ARHGEF3: variants seen among roughly 807,000 people sequenced by gnomAD.
ARHGEF3 encodes the protein Rho guanine nucleotide exchange factor 3.
A neutral mutation model predicts 63.2 loss-of-function variants in ARHGEF3; 28 were observed. That is an observed-to-expected ratio of 0.44 (90% CI 0.33 to 0.61). The LOEUF is 0.61. Ranked by LOEUF, ARHGEF3 falls within the 20% of genes least tolerant of loss-of-function variation. ARHGEF3 has a pLI of 0.03. For missense variants in ARHGEF3, 533 were observed against 659.3 expected, an observed-to-expected ratio of 0.81 and a Z score of 2.10; for synonymous variants, 266 against 254.2, an observed-to-expected ratio of 1.05 and a Z score of -0.44.
chr3:56,871,157 AT>A (rs1281802107), intron 4 of ARHGEF3, among the ~76,000 whole-genome samples: 1 of 152,192 alleles, frequency 6.6e-6, no homozygotes, highest in Non-Finnish European at 1.5e-5. Flanking sequence ...TTTTTAAATG[AT>A]GAGAATGTAT....
chr3:57,076,423 C>G (rs1002659656), intron 1 of ARHGEF3, among the ~76,000 whole-genome samples: 5 of 152,150 alleles, frequency 3.3e-5, no homozygotes, highest in African/African-American at 1.2e-4. Context: ...GAACACGAAG[C>G]AGACCATAAG....
chr3:56,772,203 A>G (rs1334060363), intron 2 of ARHGEF3, among the ~76,000 whole-genome samples: 1 of 152,188 alleles, frequency 6.6e-6, no homozygotes, highest in African/African-American at 2.4e-5. Context: ...GTATTCATTC[A>G]GGAGAAACTG....
chr3:56,913,370 A>G (rs1432321159), intron 3 of ARHGEF3, among the ~76,000 whole-genome samples: 1 of 152,270 alleles, frequency 6.6e-6, no homozygotes, highest in Admixed American at 6.5e-5. Flanking sequence ...TCTGCAAAGA[A>G]GACATACAAA....
rs185217429 is a variant in ARHGEF3 at position 56,944,316 on chromosome 3, A to G, written c.129+14507T>C. 2.0e-5 allele frequency among the ~76,000 whole-genome samples: 3 copies of G among 152,302 alleles called. No individual in the cohort carries two copies. In the East Asian group the frequency reaches 5.8e-4, roughly 29 times the overall value. On this transcript the variant is annotated intron_variant, in intron 3 of 12. Transcript: ENST00000338458. ...CACCATTCTAGATGCCATTAAGAACATTCACAATTCATGGACAGAGGTCAA... is the reference window on the plus strand; with the variant it reads ...CACCATTCTAGATGCCATTAAGAACGTTCACAATTCATGGACAGAGGTCAA...
chr3:56,742,627 CTGTTCATGTGGGGTAA>C (rs993797089), intron 7 of ARHGEF3, among the ~76,000 whole-genome samples: 18 of 152,084 alleles, frequency 1.2e-4, no homozygotes, highest in African/African-American at 4.3e-4. Context: ...CTAAATAATT[CTGTTCATGTGGGGTAA>C]TGAATGCTAT....
At chr3:56,744,685 C>T (rs894834850) in intron 7 of ARHGEF3, among the ~76,000 whole-genome samples, 1 of 151,948 alleles carries the variant, frequency 6.6e-6, no homozygotes, top group African/African-American at 2.4e-5. Flanking sequence ...GGATTACAGG[C>T]ATGAGCCATC....
At chr3:56,859,633 A>G (rs2039999620) in intron 4 of ARHGEF3, among the ~76,000 whole-genome samples, 1 of 148,082 alleles carries the variant, frequency 6.8e-6, no homozygotes, top group African/African-American at 2.5e-5. Flanking sequence ...CCCAGGCTAA[A>G]GCGATTCTCC....
chr3:56,997,727 G>A (rs1258025456), intron 2 of ARHGEF3, among the ~76,000 whole-genome samples: 1 of 152,062 alleles, frequency 6.6e-6, no homozygotes, highest in African/African-American at 2.4e-5. Flanking sequence ...GATGACGAAG[G>A]GTAAATGATC....
chr3:56,927,744 G>T (rs1468933244), intron 3 of ARHGEF3, among the ~76,000 whole-genome samples: 1 of 152,000 alleles, frequency 6.6e-6, no homozygotes, highest in Non-Finnish European at 1.5e-5. Flanking sequence ...CTGCAGAGTT[G>T]GGAAAGTCAT....
intron 2 of ARHGEF3, among the ~76,000 whole-genome samples, chr3:57,029,392 A>G (rs6785506): frequency 0.48 from 72,480 of 151,506 alleles, 17,740 homozygotes; most frequent in African/African-American, 0.52. Context: ...TCATGCCACT[A>G]CACTCCAGCT....
At chr3:56,927,701 C>T (rs2042310370) in intron 3 of ARHGEF3, among the ~76,000 whole-genome samples, 1 of 152,088 alleles carries the variant, frequency 6.6e-6, no homozygotes, top group African/African-American at 2.4e-5. Flanking sequence ...AGCCAATCTG[C>T]TAGGCCAGAG....
chr3:57,003,357 C>T (rs1165468975), intron 2 of ARHGEF3, among the ~76,000 whole-genome samples: 5 of 138,784 alleles, frequency 3.6e-5, no homozygotes, highest in Non-Finnish European at 7.6e-5. Flanking sequence ...GAGCTGAGAT[C>T]GCACCGCTGC....
At chr3:56,761,567 G>GT (rs2035423867) in intron 2 of ARHGEF3, among the ~76,000 whole-genome samples, 2 of 152,036 alleles carry the variant, frequency 1.3e-5, no homozygotes, top group Non-Finnish European at 2.9e-5. Flanking sequence ...TTCACTGATG[G>GT]ATTCATCAGC....
intron 1 of ARHGEF3, among the ~76,000 whole-genome samples, chr3:56,796,291 A>C (rs1364627071): frequency 1.3e-5 from 2 of 152,220 alleles, no homozygotes; most frequent in African/African-American, 4.8e-5. Flanking sequence ...ACGGGCAATC[A>C]CAGGGTGTCT....
At position 57,002,479 on chromosome 3, in the gene ARHGEF3, T is replaced by TATATATTATA. The variant is rs1285310560; in HGVS notation, c.62+32608_62+32609insTATAATATAT. ...TCTAAGCACTATATATATATATATG[T>TATATATTATA]TATATATATATATATATGTTATATA... On this transcript the variant is annotated intron_variant, in intron 2 of 12. Transcript: ENST00000338458. 1.0e-4 allele frequency among the ~76,000 whole-genome samples: 4 copies of TATATATTATA among 39,472 alleles called. 1 individual carries two copies. Among genetic ancestry groups the TATATATTATA allele is most frequent in the African/African-American group, 1.5e-4 (1 of 6,674 alleles). The allele number at this position is 39,472 out of a possible 152,430, so 25.9% of individuals were successfully genotyped here. A position where few individuals can be genotyped will look rare whatever the true frequency, so the allele number is the denominator to read the frequency against.
chr3:57,042,665 TA>T (rs1560155838), intron 1 of ARHGEF3, among the ~76,000 whole-genome samples: 123 of 6,684 alleles, frequency 0.018, 4 homozygotes, highest in Middle Eastern at 0.11. Context: ...TATATATATA[TA>T]TATATATATA....
intron 4 of ARHGEF3, among the ~76,000 whole-genome samples, chr3:56,835,176 T>C (rs1403214234): frequency 6.6e-6 from 1 of 152,172 alleles, no homozygotes; most frequent in Non-Finnish European, 1.5e-5. Context: ...TGTTTTGTTT[T>C]GTTTTGTTGG....
At chr3:56,996,890 ATTTTTTT>A (rs534187681) in intron 2 of ARHGEF3, among the ~76,000 whole-genome samples, 13 of 136,508 alleles carry the variant, frequency 9.5e-5, no homozygotes, top group African/African-American at 2.7e-4. Context: ...TATTATTATT[ATTTTTTT>A]TTTTTTTTGC....
intron 3 of ARHGEF3, among the ~76,000 whole-genome samples, chr3:56,890,059 C>G (rs531619912): frequency 1.9e-4 from 19 of 99,562 alleles, no homozygotes; most frequent in African/African-American, 7.4e-4. Flanking sequence ...AAGACTCCTT[C>G]TCAATAAATA....
Sources: gnomAD v4.1 joint callset for allele counts (sites outside exome capture counted in the v4.1 genomes callset) on GRCh38, gnomAD v4.1.1 for gene constraint, MANE v1.5 for transcripts, NCBI Gene and HGNC (gene_info 2026-07-23, HGNC 2026-07-21) for gene names.